Variants in UBAP2 observed in about 807,000 individuals in gnomAD.
The protein encoded by UBAP2 is ubiquitin associated protein 2, also known as ubiquitin-associated protein 2.
In UBAP2, 75 loss-of-function variants were observed where a neutral mutation model predicts 139.6. The ratio of observed to expected loss-of-function variants is 0.54; its 90% CI spans 0.45 to 0.65. The LOEUF is 0.65. UBAP2 is among the 30% of genes least tolerant of loss of function. UBAP2 has a pLI of 0.00. For missense variants in UBAP2, 1,368 were observed against 1,369.6 expected (o/e 1.00, Z 0.02); for synonymous variants, 526 against 526.2 (o/e 1.00, Z 0.01).
At chr9:33,996,166 A>G (rs1227013183) in intron 4 of UBAP2, 57 bp downstream of exon 4, 1 of 1,341,270 alleles carries the variant, frequency 7.5e-7, no homozygotes, top group East Asian at 2.3e-5. Context: ...GAAGTTGAAA[A>G]TGTGCTACGG....
intron 11 of UBAP2, among the ~76,000 whole-genome samples, chr9:33,954,269 TACACACACACAC>T (rs60078088): frequency 7.2e-6 from 1 of 139,810 alleles, no homozygotes; most frequent in African/African-American, 2.7e-5. Flanking sequence ...TGTGTGTATA[TACACACACACAC>T]ACACACACAC....
intron 16 of UBAP2, among the ~76,000 whole-genome samples, chr9:33,941,416 C>T (rs185193368): frequency 2.6e-5 from 4 of 152,242 alleles, no homozygotes; most frequent in Admixed American, 2.0e-4. Flanking sequence ...TCATACTACA[C>T]GCATGCTTGG....
chr9:34,042,397 G>C (rs984118110), intron 1 of UBAP2, among the ~76,000 whole-genome samples: 6 of 148,824 alleles, frequency 4.0e-5, no homozygotes, highest in African/African-American at 1.5e-4. Flanking sequence ...AGATTCGCTT[G>C]AACTTGGGAG....
Position 33,955,974 on chromosome 9 carries a change from A to T in UBAP2, c.866+105T>A, listed in dbSNP as rs894926533. ...AAAATAAAAGTTAGCCTTGGATAAA[A>T]AGGGAAAAAATAGAAAGAGACCCAA... On this transcript the variant is annotated intron_variant, in intron 11 of 28. Coordinates refer to ENST00000379238, the MANE Select transcript of UBAP2 (RefSeq NM_001370062.2). 77 of 852,988 alleles carry T rather than the reference A, an allele frequency of 9.0e-5. 1 individual carries two copies. The highest frequency in any genetic ancestry group is 1.3e-4 in the Non-Finnish European group (72 of 541,148). 52.8% of individuals were successfully genotyped at this position (852,988 alleles called of 1,614,324 possible).
chr9:34,010,099 G>A (rs1447460272), intron 2 of UBAP2, among the ~76,000 whole-genome samples: 3 of 131,476 alleles, frequency 2.3e-5, no homozygotes, highest in African/African-American at 8.5e-5. Flanking sequence ...GAGCCACCAC[G>A]CCCAGCCCGA....
chr9:33,941,761 T>C lies in UBAP2; in HGVS notation c.1817A>G (p.Asn606Ser), dbSNP rs307658. The C allele has an allele frequency of 0.38, 614,778 of 1,613,590 alleles. 120,041 individuals are homozygous for C. Among genetic ancestry groups the C allele is most frequent in the South Asian group, 0.48 (43,739 of 91,076 alleles). ...TSCSLTSSSLNSASPVAMSSS... is the reference protein window; with the variant it reads ...TSCSLTSSSLSSASPVAMSSS... ...AGACATTGCTACTGGACTAGCAGAA[T>C]TCAGTGATGAGCTTGTCAGACTGCA... is the stretch of plus-strand genomic sequence containing the variant. Residue 606 changes from asparagine to serine, a missense_variant, in exon 16 of 29, where the codon AAT becomes AGT. By Grantham distance (46) the Asn-to-Ser change is conservative (BLOSUM62 1). Transcript: ENST00000379238.
intron 4 of UBAP2, among the ~76,000 whole-genome samples, chr9:33,992,709 A>G (rs539599403): frequency 7.9e-5 from 12 of 152,144 alleles, no homozygotes; most frequent in Non-Finnish European, 1.6e-4. Flanking sequence ...AATCTTTACA[A>G]TACCATAGTA....
chr9:33,990,885 C>G, intron 4 of UBAP2, among the ~76,000 whole-genome samples: 1 of 152,118 alleles, frequency 6.6e-6, no homozygotes, highest in East Asian at 1.9e-4. Flanking sequence ...GATCCACCTA[C>G]CTCGGCCTCC....
intron 4 of UBAP2, chr9:33,995,538 A>AC (rs1822115934): frequency 1.5e-5 from 1 of 66,238 alleles, no homozygotes; most frequent in Non-Finnish European, 3.4e-5. Context: ...TATTTATATT[A>AC]TTAAATATAT....
rs773472588 is a variant in UBAP2 at position 33,927,091 on chromosome 9, G to A, written c.2372-11C>T. The A allele has an allele frequency of 4.4e-6, 7 of 1,600,176 alleles. No individual in the cohort carries two copies. The highest frequency in any genetic ancestry group is 1.7e-5 in the Admixed American group (1 of 58,166). The stretch of plus-strand genomic sequence containing the variant: ...TTGGGGGTGCTTTGCCTGTATAGAG[G>A]GAAAAATCAAATGGAGTGAAATGGT... On this transcript the variant is annotated splice_polypyrimidine_tract_variant and intron_variant, in intron 20 of 28. Coordinates refer to ENST00000379238, the MANE Select transcript of UBAP2 (RefSeq NM_001370062.2).
intron 4 of UBAP2, chr9:33,995,494 A>AATATATATATTTATATTATTAAATAT (rs1822104477): frequency 7.4e-6 from 1 of 134,688 alleles, no homozygotes; most frequent in Non-Finnish European, 1.5e-5. Flanking sequence ...TATATTATTA[A>AATATATATATTTATATTATTAAATAT]ATATATATAT....
At chr9:34,029,004 C>A (rs1292672190) in intron 1 of UBAP2, among the ~76,000 whole-genome samples, 2 of 151,940 alleles carry the variant, frequency 1.3e-5, no homozygotes, top group Non-Finnish European at 2.9e-5. Flanking sequence ...GAATCCCACC[C>A]ATTCAGGAGG....
chr9:34,034,081 C>G (rs553443069), intron 1 of UBAP2, among the ~76,000 whole-genome samples: 2 of 152,088 alleles, frequency 1.3e-5, no homozygotes, highest in Non-Finnish European at 2.9e-5. Context: ...AATAATAGTT[C>G]TCATTATTCA....
At chr9:33,998,564 C>T (rs1822400467) in intron 3 of UBAP2, 3 of 469,206 alleles carry the variant, frequency 6.4e-6, no homozygotes, top group Middle Eastern at 5.9e-4. Flanking sequence ...ACACTAGTAA[C>T]TCAGAAAGAT....
In UBAP2 at chr9:33,963,738, A is replaced by G. The variant is rs1827245646; in HGVS notation, c.733T>C (p.Tyr245His). The G allele has an allele frequency of 6.2e-7, 1 of 1,608,536 alleles. No individual in the cohort carries two copies. Among genetic ancestry groups the G allele is most frequent in the South Asian group, 1.1e-5 (1 of 90,884 alleles). ...IAQDLSNKSSYGLKGAWKNSV... is the reference protein window; with the variant it reads ...IAQDLSNKSSHGLKGAWKNSV... ...TAAGTATTCATACCTTTGAGTCCAT[A>G]AGAACTTTTGTTTGACAGATCCTGA... is the stretch of plus-strand genomic sequence containing the variant. The change falls in exon 9 of 29, where the codon TAT becomes CAT. Residue 245 changes from tyrosine to histidine, a missense_variant. Coordinates refer to ENST00000379238, the MANE Select transcript of UBAP2 (RefSeq NM_001370062.2).
intron 12 of UBAP2, among the ~76,000 whole-genome samples, chr9:33,949,434 G>A (rs1825913255): frequency 6.6e-6 from 1 of 152,092 alleles, no homozygotes; most frequent in Non-Finnish European, 1.5e-5. Context: ...TGGGCGCAGT[G>A]GCTCACACCT....
chr9:33,959,822 A>C (rs1437079243), intron 10 of UBAP2, among the ~76,000 whole-genome samples: 1 of 152,222 alleles, frequency 6.6e-6, no homozygotes, highest in Non-Finnish European at 1.5e-5. Context: ...CCTTTAATGA[A>C]AATATTCTAA....
chr9:33,975,801 CAAAAAAA>C (rs556958048), intron 6 of UBAP2, among the ~76,000 whole-genome samples: 2 of 72,334 alleles, frequency 2.8e-5, no homozygotes, highest in African/African-American at 6.0e-5. Context: ...GACTCCGTCT[CAAAAAAA>C]AAAAAAAAAA....
intron 2 of UBAP2, among the ~76,000 whole-genome samples, chr9:34,006,501 A>C (rs1823232570): frequency 6.6e-6 from 1 of 152,044 alleles, no homozygotes. Flanking sequence ...GCAACACAAC[A>C]AAACCCTTTA....
Sources: allele counts gnomAD v4.1 joint callset (sites outside exome capture counted in the v4.1 genomes callset), GRCh38; gene constraint gnomAD v4.1.1; transcripts MANE v1.5; gene names NCBI Gene and HGNC (gene_info 2026-07-23, HGNC 2026-07-21).